KIF13A: variants seen among roughly 807,000 people sequenced by gnomAD.
The protein encoded by KIF13A is kinesin family member 13A.
Under a neutral mutation model 212.2 loss-of-function variants are expected in KIF13A, and 79 were observed. That is an observed-to-expected ratio of 0.37 (90% CI 0.31 to 0.45). The LOEUF (loss-of-function observed/expected upper bound fraction) is 0.45, where lower values mean the gene tolerates loss of function less well. KIF13A is among the 20% of genes least tolerant of loss of function. KIF13A has a pLI of 1.00. For missense variants in KIF13A, 1,901 were observed against 2,209.0 expected (o/e 0.86, Z 2.79); for synonymous variants, 789 against 808.6 (o/e 0.98, Z 0.41).
chr6:17,803,595 A>G (rs1407415230), intron 20 of KIF13A, among the ~76,000 whole-genome samples: 1 of 152,214 alleles, frequency 6.6e-6, no homozygotes, highest in Non-Finnish European at 1.5e-5. Flanking sequence ...AGAGTTTAAA[A>G]GGAGGGTAAC....
At chr6:17,910,824 G>A (rs1277815941) in intron 2 of KIF13A, among the ~76,000 whole-genome samples, 1 of 152,174 alleles carries the variant, frequency 6.6e-6, no homozygotes, top group Admixed American at 6.5e-5. Context: ...GTGCAGTGGT[G>A]TGATCTCAGC....
rs975367049 is a variant in KIF13A at position 17,829,624 on chromosome 6, G to A, written c.1402-1254C>T. ...ACTGCTTATCCCATTTTTTTCTATT[G>A]CTCTTAAAATAGTTTAATAACTATA... On this transcript the variant is annotated intron_variant, in intron 13 of 38. Coordinates refer to ENST00000259711, the MANE Select transcript of KIF13A (RefSeq NM_022113.6). The surrounding 1 kb of genome is among the most constrained non-coding windows in gnomAD (Gnocchi z 5.4). 2.6e-5 allele frequency among the ~76,000 whole-genome samples: 4 copies of A among 151,934 alleles called. No homozygotes were observed. The highest frequency in any genetic ancestry group is 4.4e-5 in the Non-Finnish European group (3 of 67,980).
intron 16 of KIF13A, among the ~76,000 whole-genome samples, chr6:17,818,875 A>G (rs1301640972): frequency 6.6e-6 from 1 of 152,216 alleles, no homozygotes; most frequent in East Asian, 1.9e-4. Flanking sequence ...TATTCTGTGA[A>G]AGAGTGATAC....
intron 14 of KIF13A, among the ~76,000 whole-genome samples, chr6:17,827,461 A>G (rs1481228091): frequency 6.6e-6 from 1 of 151,622 alleles, no homozygotes; most frequent in Non-Finnish European, 1.5e-5. Flanking sequence ...TGAGATGCTC[A>G]TTTTTAAAAC....
chr6:17,987,285 G>T lies in KIF13A; in HGVS notation c.55+124C>A. On this transcript the variant is annotated intron_variant, in intron 1 of 38. Coordinates refer to ENST00000259711, the MANE Select transcript of KIF13A (RefSeq NM_022113.6). This position sits in a 1 kb window ranked among gnomAD's most constrained non-coding sequence, Gnocchi z 7.7. ...GCGCCCCGGGCACCACGGCCAGCGC[G>T]GACGCCGCCTCCGCCCCGGCCCCCC... The T allele has an allele frequency of 1.2e-6, 1 of 857,604 alleles. No individual in the cohort carries two copies. Among genetic ancestry groups the T allele is most frequent in the Non-Finnish European group, 1.5e-6 (1 of 660,894 alleles). 53.1% of individuals were successfully genotyped at this position (857,604 alleles called of 1,614,324 possible). A position where few individuals can be genotyped will look rare whatever the true frequency, so the allele number is the denominator to read the frequency against.
In KIF13A at chr6:17,764,615, G is replaced by A. The variant is rs760216131; in HGVS notation, c.4913C>T (p.Pro1638Leu). ...KDADSTEHSTPSLVHDFRPSS... is the reference protein window; with the variant it reads ...KDADSTEHSTLSLVHDFRPSS... ...CGGCCTGAAATCATGCACAAGCGAT[G>A]GTGTGGAGTGCTCGGTGGAGTCTGC... The change falls in exon 39 of 39, where the codon CCA (proline) becomes CTA (leucine). Residue 1638 changes from proline (P) to leucine (L), a missense_variant. By Grantham distance (98) the Pro-to-Leu change is moderately conservative. Transcript: ENST00000259711. This position sits in a 1 kb window ranked among gnomAD's most constrained non-coding sequence, Gnocchi z 5.1. 1.9e-5 allele frequency: 30 copies of A among 1,613,858 alleles called. 1 individual carries two copies. In the Admixed American group the frequency reaches 4.5e-4, roughly 24 times the overall value.
intron 2 of KIF13A, among the ~76,000 whole-genome samples, chr6:17,936,718 T>C (rs1434046816): frequency 6.6e-6 from 1 of 152,124 alleles, no homozygotes; most frequent in Admixed American, 6.6e-5. Context: ...AAGTCAGTAA[T>C]GCAACTAACT....
rs974456307 is a variant in KIF13A at position 17,898,323 on chromosome 6, T to A, written c.147-143A>T. 84 of 763,656 alleles carry A rather than the reference T, an allele frequency of 1.1e-4. No individual in the cohort carries two copies. Among genetic ancestry groups the A allele is most frequent in the Non-Finnish European group, 1.6e-4 (78 of 475,264 alleles). The allele number at this position is 763,656 out of a possible 1,614,324, so 47.3% of individuals were successfully genotyped here. On this transcript the variant is annotated intron_variant, in intron 2 of 38. Transcript: ENST00000259711. This position sits in a 1 kb window ranked among gnomAD's most constrained non-coding sequence, Gnocchi z 5.2. ...AACATGATCTGAAAGATATTCTTCT[T>A]CATGAAGATCAGAAGCCAAATTCAA...
In KIF13A at chr6:17,873,893, T is replaced by G. The variant is rs535718489; in HGVS notation, c.160-456A>C. Among the ~76,000 whole-genome samples the G allele has an allele frequency of 4.9e-4, 74 of 152,306 alleles. No homozygotes were observed. In the South Asian group the frequency reaches 0.015, roughly 30 times the overall value. On this transcript the variant is annotated intron_variant, in intron 3 of 38. Coordinates refer to ENST00000259711, the MANE Select transcript of KIF13A (RefSeq NM_022113.6). ...AGGTGTGAGCCATCGCGCCTGGCCC[T>G]ATGATATTTCTTTTAGACTAAATAT...
chr6:17,852,062 G>C lies in KIF13A; in HGVS notation c.495-20C>G. The C allele has an allele frequency of 5.3e-6, 7 of 1,315,470 alleles. No individual in the cohort carries two copies. The highest frequency in any genetic ancestry group is 7.1e-6 in the Non-Finnish European group (7 of 983,174). The allele number at this position is 1,315,470 out of a possible 1,614,324, so 81.5% of individuals were successfully genotyped here. A position where few individuals can be genotyped will look rare whatever the true frequency, so the allele number is the denominator to read the frequency against. On this transcript the variant is annotated intron_variant, in intron 6 of 38. Transcript: ENST00000259711. Reference sequence around the variant, plus strand: ...CTACTCCTGCGGGAGGGAGGAAAAAGGAATAAATGAATCACACCAAAGCTG... The same window carrying C: ...CTACTCCTGCGGGAGGGAGGAAAAACGAATAAATGAATCACACCAAAGCTG...
At chr6:17,979,646 AAAAC>A (rs1346013352) in intron 2 of KIF13A, among the ~76,000 whole-genome samples, 2 of 152,194 alleles carry the variant, frequency 1.3e-5, no homozygotes, top group African/African-American at 2.4e-5. Context: ...AAAATATACC[AAAAC>A]AAACAAACAA....
intron 32 of KIF13A, 138 bp downstream of exon 32, chr6:17,779,454 T>C: frequency 2.3e-6 from 1 of 438,768 alleles, no homozygotes; most frequent in Admixed American, 4.1e-5. Context: ...GTATGTTTAG[T>C]AGAGATAGGG....
intron 22 of KIF13A, 125 bp from the exon 23 acceptor site, chr6:17,796,945 C>T: frequency 2.0e-6 from 1 of 503,362 alleles, no homozygotes; most frequent in East Asian, 3.5e-5. Flanking sequence ...AAATCCGTCT[C>T]TTCTGTTTTA....
Position 17,773,455 on chromosome 6 carries a change from C to A in KIF13A, c.4324+23G>T, listed in dbSNP as rs1317066709. ...TCTAAGTAATTACAAAGAAATATCACTGCAAAATAATCTCACCACTACCTT... is the reference window on the plus strand; with the variant it reads ...TCTAAGTAATTACAAAGAAATATCAATGCAAAATAATCTCACCACTACCTT... On this transcript the variant is annotated intron_variant, in intron 36 of 38. Coordinates refer to ENST00000259711, the MANE Select transcript of KIF13A (RefSeq NM_022113.6). This position sits in a 1 kb window ranked among gnomAD's most constrained non-coding sequence, Gnocchi z 4.2. 6 of 1,367,612 alleles carry A rather than the reference C, an allele frequency of 4.4e-6. No homozygotes were observed. The South Asian group carries it at 5.9e-5, about 14-fold the overall frequency. The allele number at this position is 1,367,612 out of a possible 1,614,324, so 84.7% of individuals were successfully genotyped here.
Position 17,829,556 on chromosome 6 carries a change from GA to G in KIF13A, c.1402-1187del, listed in dbSNP as rs1765255538. On this transcript the variant is annotated intron_variant, in intron 13 of 38. Coordinates refer to ENST00000259711, the MANE Select transcript of KIF13A (RefSeq NM_022113.6). This position sits in a 1 kb window ranked among gnomAD's most constrained non-coding sequence, Gnocchi z 5.4. ...TGGCCTCATGTGATTTTAAGTACCT[GA>G]ACCTCAGACATACGAGGACTGTGAC... Among the ~76,000 whole-genome samples, 1 of 152,148 alleles carries G rather than the reference GA, an allele frequency of 6.6e-6. No homozygotes were observed. The highest frequency in any genetic ancestry group is 1.5e-5 in the Non-Finnish European group (1 of 68,028).
At chr6:17,874,999 G>GCGCGCGCACACACACACACACA (rs913365480) in intron 3 of KIF13A, among the ~76,000 whole-genome samples, 10 of 120,266 alleles carry the variant, frequency 8.3e-5, no homozygotes, top group African/African-American at 3.1e-4. Context: ...ACACGCACAC[G>GCGCGCGCACACACACACACACA]CACGCACACA....
rs5874615 is a variant in KIF13A, at chr6:17,932,803, G to GA, written c.147-34624dup. On this transcript the variant is annotated intron_variant, in intron 2 of 38. Coordinates refer to ENST00000259711, the MANE Select transcript of KIF13A (RefSeq NM_022113.6). ...AGGAGGAAGTCTGTGAGAATGGAAA[G>GA]AAAAAAAAAAAAAACTGGGGTAAGT... Among the ~76,000 whole-genome samples the GA allele has an allele frequency of 3.2e-3, 457 of 144,522 alleles. 3 individuals carry two copies. The highest frequency in any genetic ancestry group is 7.7e-3 in the African/African-American group (298 of 38,670). The allele number at this position is 144,522 out of a possible 152,430, so 94.8% of individuals were successfully genotyped here. A position where few individuals can be genotyped will look rare whatever the true frequency, so the allele number is the denominator to read the frequency against.
At chr6:17,797,767 G>A (rs559772090) in intron 22 of KIF13A, among the ~76,000 whole-genome samples, 45 of 152,258 alleles carry the variant, frequency 3.0e-4, no homozygotes, top group South Asian at 6.2e-4. Context: ...GTGTGGTGGT[G>A]CACACCTGTA....
chr6:17,939,996 C>G (rs922295779), intron 2 of KIF13A, among the ~76,000 whole-genome samples: 2 of 148,956 alleles, frequency 1.3e-5, no homozygotes, highest in African/African-American at 2.5e-5. Flanking sequence ...GCCGAGATCG[C>G]GCCACTACAC....
Sources: gnomAD v4.1 joint callset for allele counts (sites outside exome capture counted in the v4.1 genomes callset) on GRCh38, gnomAD v4.1.1 for gene constraint, Gnocchi (gnomAD v3.1) non-coding constraint, MANE v1.5 for transcripts, NCBI Gene and HGNC (gene_info 2026-07-23, HGNC 2026-07-21) for gene names.